Variants in TRAP1 observed in about 807,000 individuals in gnomAD.
TRAP1 encodes TNF receptor associated protein 1, also known as heat shock protein 75 kDa, mitochondrial.
Under a neutral mutation model 89.1 loss-of-function variants are expected in TRAP1, and 102 were observed. That is an observed-to-expected ratio of 1.15 (90% CI 0.98 to 1.35). TRAP1 has a LOEUF of 1.35. Ranked by LOEUF, TRAP1 falls within the 40% of genes most tolerant of loss-of-function variation. TRAP1 has a pLI of 0.00. For missense variants in TRAP1, 1,256 were observed against 945.3 expected, an observed-to-expected ratio of 1.33 and a Z score of -4.31; for synonymous variants, 508 against 388.0, an observed-to-expected ratio of 1.31 and a Z score of -3.64.
chr16:3,678,906 C>A (rs1348435699), intron 5 of TRAP1, among the ~76,000 whole-genome samples: 2 of 152,176 alleles, frequency 1.3e-5, no homozygotes, highest in East Asian at 3.8e-4. Flanking sequence ...AAGTCGATTC[C>A]CTGAGCCTTG....
chr16:3,677,831 CATT>C lies in TRAP1; in HGVS notation c.544-176_544-174del, dbSNP rs537394428. 126 of 720,006 alleles carry C rather than the reference CATT, an allele frequency of 1.7e-4. 1 individual carries two copies. In the South Asian group the frequency reaches 2.1e-3, roughly 12 times the overall value. The allele number at this position is 720,006 out of a possible 1,614,324, so 44.6% of individuals were successfully genotyped here. ...AGAGCTAAGTCACAGAGAGGTGACA[CATT>C]AGCCCTAGGACAACCAGCTGGCAGC... On this transcript the variant is annotated intron_variant, in intron 5 of 17. Coordinates refer to ENST00000246957, the MANE Select transcript of TRAP1 (RefSeq NM_016292.3).
intron 1 of TRAP1, among the ~76,000 whole-genome samples, chr16:3,703,403 G>A (rs899658262): frequency 1.3e-5 from 2 of 151,892 alleles, no homozygotes; most frequent in East Asian, 1.9e-4. Flanking sequence ...ACAATGCTGT[G>A]TAATGTGTGC....
intron 1 of TRAP1, among the ~76,000 whole-genome samples, chr16:3,692,333 C>G (rs982287098): frequency 6.6e-6 from 1 of 152,048 alleles, no homozygotes; most frequent in East Asian, 2.0e-4. Context: ...GTCAGGAGTT[C>G]GAGACCAGCC....
intron 1 of TRAP1, among the ~76,000 whole-genome samples, chr16:3,701,550 C>CAA (rs34870237): frequency 0.062 from 7,481 of 119,876 alleles, 689 homozygotes; most frequent in African/African-American, 0.21. Context: ...GACCCTGTCC[C>CAA]AAAAAAAAAA....
At chr16:3,677,356 C>T in intron 6 of TRAP1, 142 bp downstream of exon 6, 1 of 1,166,104 alleles carries the variant, frequency 8.6e-7, no homozygotes, top group Non-Finnish European at 1.2e-6. Flanking sequence ...GTCACTAACT[C>T]CCCAAAATGG....
chr16:3,712,083 G>C (rs1328474497), intron 1 of TRAP1, among the ~76,000 whole-genome samples: 1 of 151,994 alleles, frequency 6.6e-6, no homozygotes, highest in Non-Finnish European at 1.5e-5. Flanking sequence ...AAGGTCAAAA[G>C]ATTGAGACCA....
intron 1 of TRAP1, among the ~76,000 whole-genome samples, chr16:3,693,027 A>G (rs568112624): frequency 2.7e-4 from 41 of 151,686 alleles, no homozygotes; most frequent in Middle Eastern, 3.4e-3. Context: ...ATCTCGGCTC[A>G]CTGCAACCTC....
Position 3,686,021 on chromosome 16 carries a change from G to C in TRAP1, c.446C>G (p.Ala149Gly), listed in dbSNP as rs1200133465. The C allele has an allele frequency of 1.9e-6, 3 of 1,613,922 alleles. No individual in the cohort carries two copies. In the African/African-American group the frequency reaches 4.0e-5, roughly 22 times the overall value. Reference protein sequence around the residue: ...PEMEIHLQTNAEKGTITIQDT... With the variant: ...PEMEIHLQTNGEKGTITIQDT... ...CTGGATGGTGATGGTGCCTTTCTCGGCATTGGTCTGCAAGTGAATCTCCAT... is the reference window on the plus strand; with the variant it reads ...CTGGATGGTGATGGTGCCTTTCTCGCCATTGGTCTGCAAGTGAATCTCCAT... The change falls in exon 4 of 18, where the codon GCC (alanine) becomes GGC (glycine). Residue 149 changes from alanine to glycine, a missense_variant. Coordinates refer to ENST00000246957, the MANE Select transcript of TRAP1 (RefSeq NM_016292.3).
At chr16:3,674,734 G>C in intron 8 of TRAP1, 1 of 553,398 alleles carries the variant, frequency 1.8e-6, no homozygotes, top group Non-Finnish European at 3.2e-6. Flanking sequence ...AGGACCAGCC[G>C]GGACCTGAGG....
At chr16:3,696,006 C>G (rs1178591558) in intron 1 of TRAP1, among the ~76,000 whole-genome samples, 1 of 152,202 alleles carries the variant, frequency 6.6e-6, no homozygotes, top group Non-Finnish European at 1.5e-5. Context: ...AACATTTACA[C>G]ACACACATTT....
intron 4 of TRAP1, 121 bp downstream of exon 4, chr16:3,685,875 G>C (rs1360767643): frequency 9.4e-6 from 12 of 1,271,222 alleles, no homozygotes; most frequent in African/African-American, 4.5e-5. Context: ...ATTATAGCCA[G>C]AGTTATCCTG....
intron 2 of TRAP1, 83 bp downstream of exon 2, chr16:3,690,742 TCA>T: frequency 7.7e-7 from 1 of 1,293,198 alleles, no homozygotes; most frequent in Non-Finnish European, 1.0e-6. Flanking sequence ...GCTCTACCAA[TCA>T]CTGCCTCCAC....
At chr16:3,715,710 G>A (rs1276132954) in intron 1 of TRAP1, among the ~76,000 whole-genome samples, 3 of 152,062 alleles carry the variant, frequency 2.0e-5, no homozygotes, top group Non-Finnish European at 2.9e-5. Flanking sequence ...CATTTTGGAG[G>A]GCAAGGCAGG....
At chr16:3,662,797 C>T (rs534227324) in intron 15 of TRAP1, 85 bp downstream of exon 15, 73 of 1,318,002 alleles carry the variant, frequency 5.5e-5, no homozygotes, top group African/African-American at 3.0e-4. Context: ...GGACACCCAA[C>T]GGGCCAGGTA....
intron 11 of TRAP1, among the ~76,000 whole-genome samples, chr16:3,670,032 A>C (rs1356887009): frequency 6.6e-6 from 1 of 151,992 alleles, no homozygotes; most frequent in Non-Finnish European, 1.5e-5. Flanking sequence ...GAAGTGGTGC[A>C]AATAAACTAG....
chr16:3,677,557 C>T lies in TRAP1; in HGVS notation c.645G>A (p.Val215=), dbSNP rs1046102610. The change falls in exon 6 of 18, where the codon GTG becomes GTA. Residue 215 remains valine, a synonymous_variant. Transcript: ENST00000246957. ...GGGCTGCCGAGCGGGAATAGACCTC[C>T]ACTCTGTCAGCCACCATGAAAGCTG... The part of the protein sequence containing the change: ...FYSAFMVADR[V]EVYSRSAAPG... 2.5e-6 allele frequency: 4 copies of T among 1,614,096 alleles called. No homozygotes were observed. In the African/African-American group the frequency reaches 5.3e-5, roughly 22 times the overall value.
rs1247520883 is a variant in TRAP1, at chr16:3,689,267, C to G, written c.248-130G>C. 6.2e-6 allele frequency: 4 copies of G among 640,186 alleles called. No individual in the cohort carries two copies. In the African/African-American group the frequency reaches 8.7e-5, roughly 14 times the overall value. The allele number at this position is 640,186 out of a possible 1,614,324, so 39.7% of individuals were successfully genotyped here. ...CTTTTTTTTTTTTTTTTTTTTGAGA[C>G]GGAGTCTCGCTCTGTCACCCAGGCT... On this transcript the variant is annotated intron_variant, in intron 2 of 17. Coordinates refer to ENST00000246957, the MANE Select transcript of TRAP1 (RefSeq NM_016292.3).
At chr16:3,683,983 T>C (rs994358199) in intron 4 of TRAP1, among the ~76,000 whole-genome samples, 1 of 152,030 alleles carries the variant, frequency 6.6e-6, no homozygotes, top group East Asian at 2.0e-4. Context: ...CTGACCAACA[T>C]GGTGAAACCC....
At chr16:3,689,529 G>C (rs2051184629) in intron 2 of TRAP1, among the ~76,000 whole-genome samples, 1 of 152,116 alleles carries the variant, frequency 6.6e-6, no homozygotes, top group Non-Finnish European at 1.5e-5. Flanking sequence ...TGAACAAAAA[G>C]AAAGAAGCAG....
Sources: gnomAD v4.1 joint callset for allele counts (sites outside exome capture counted in the v4.1 genomes callset) on GRCh38, gnomAD v4.1.1 for gene constraint, MANE v1.5 for transcripts, NCBI Gene and HGNC (gene_info 2026-07-23, HGNC 2026-07-21) for gene names.